Variants in NMT1 observed in about 807,000 individuals in gnomAD.
The protein encoded by NMT1 is N-myristoyltransferase 1, also known as glycylpeptide N-tetradecanoyltransferase 1.
Under a neutral mutation model 63.4 loss-of-function variants are expected in NMT1, and 12 were observed. That is an observed-to-expected ratio of 0.19 (90% confidence interval 0.12 to 0.31). NMT1 has a LOEUF of 0.31. Ranked by LOEUF, NMT1 falls within the 10% of genes least tolerant of loss-of-function variation. The probability of loss-of-function intolerance (pLI) is 1.00; values close to 1 mark genes in which losing one functional copy is unlikely to be tolerated. For synonymous variants in NMT1, 228 were observed against 234.3 expected (o/e 0.97, Z 0.25); for missense variants, 432 against 634.6 (o/e 0.68, Z 3.43).
intron 1 of NMT1, among the ~76,000 whole-genome samples, chr17:45,072,192 C>T (rs2053944534): frequency 1.3e-5 from 2 of 150,150 alleles, no homozygotes; most frequent in South Asian, 4.2e-4. Context: ...GTTGAGGCTG[C>T]AGTGAGCCAT....
intron 1 of NMT1, among the ~76,000 whole-genome samples, chr17:45,071,009 G>T (rs547418851): frequency 6.6e-6 from 1 of 152,298 alleles, no homozygotes; most frequent in Admixed American, 6.5e-5. Context: ...CTAGACAGCT[G>T]ATACTGATTC....
chr17:45,064,315 C>G (rs2053887859), intron 1 of NMT1, among the ~76,000 whole-genome samples: 1 of 152,074 alleles, frequency 6.6e-6, no homozygotes, highest in Admixed American at 6.6e-5. Flanking sequence ...TATTAGCGTC[C>G]CAAATCTAAA....
At chr17:45,071,049 T>C (rs1486510465) in intron 1 of NMT1, among the ~76,000 whole-genome samples, 2 of 152,210 alleles carry the variant, frequency 1.3e-5, no homozygotes, top group African/African-American at 4.8e-5. Context: ...TGGGCATCTT[T>C]GCCATTTCAT....
rs145153099 is a variant in NMT1 at position 45,073,642 on chromosome 17, C to A, written c.132-8002C>A. 2.3e-3 allele frequency among the ~76,000 whole-genome samples: 356 copies of A among 152,284 alleles called. 1 individual carries two copies. The highest frequency in any genetic ancestry group is 8.2e-3 in the African/African-American group (341 of 41,550). The stretch of plus-strand genomic sequence containing the variant: ...TCCTCTCAAACACCAAAGCTGTGTT[C>A]TATAGCCCAGTGTGAGGAAACAATA... On this transcript the variant is annotated intron_variant, in intron 1 of 11. Coordinates refer to ENST00000258960, the MANE Select transcript of NMT1 (RefSeq NM_021079.5).
chr17:45,063,166 C>G (rs2053878856), intron 1 of NMT1, among the ~76,000 whole-genome samples: 1 of 138,250 alleles, frequency 7.2e-6, no homozygotes, highest in African/African-American at 2.7e-5. Flanking sequence ...GATCACGCCA[C>G]TGCACTCCAG....
chr17:45,069,035 A>T (rs971692323), intron 1 of NMT1, among the ~76,000 whole-genome samples: 1 of 151,512 alleles, frequency 6.6e-6, no homozygotes, highest in Admixed American at 6.6e-5. Flanking sequence ...ATCTCGGCTC[A>T]CTGCAACCTC....
intron 4 of NMT1, among the ~76,000 whole-genome samples, chr17:45,095,351 G>A (rs1430327696): frequency 2.7e-5 from 4 of 150,134 alleles, no homozygotes; most frequent in African/African-American, 4.9e-5. Flanking sequence ...CAGGTGATCC[G>A]CCCACCTCAG....
chr17:45,064,104 G>A (rs1339437856), intron 1 of NMT1, among the ~76,000 whole-genome samples: 1 of 152,160 alleles, frequency 6.6e-6, no homozygotes, highest in Non-Finnish European at 1.5e-5. Context: ...AGAATCACTC[G>A]AACCCGGGAG....
In NMT1 at chr17:45,105,649, A is replaced by AG. The variant is rs763336808; in HGVS notation, c.*11dup. On this transcript the variant is annotated 3_prime_UTR_variant, in exon 12 of 12. Transcript: ENST00000258960. This position sits in a 1 kb window ranked among gnomAD's most constrained non-coding sequence, Gnocchi z 4.2. ...ACTGGTGCTACAATAACCAGTCACCAGTGCGATTCTGGATAAAGCCACTGA... is the reference window on the plus strand; with the variant it reads ...ACTGGTGCTACAATAACCAGTCACCAGGTGCGATTCTGGATAAAGCCACTGA... 1.6e-5 allele frequency: 26 copies of AG among 1,612,578 alleles called. No homozygotes were observed. The East Asian group carries it at 2.0e-4, about 13-fold the overall frequency.
At chr17:45,083,298 G>A (rs186499969) in intron 2 of NMT1, among the ~76,000 whole-genome samples, 24 of 147,596 alleles carry the variant, frequency 1.6e-4, no homozygotes, top group South Asian at 2.1e-4. Context: ...CAGCCTGGGC[G>A]AAAGGGTGAG....
rs1304798144 is a variant in NMT1 at position 45,079,104 on chromosome 17, CT to C, written c.132-2527del. ...TCTTTTTTTCTTTTCTTTTCTTTTT[CT>C]TTTTTTTTTTTTCCCCAAGATGGAG... On this transcript the variant is annotated intron_variant, in intron 1 of 11. Transcript: ENST00000258960. Among the ~76,000 whole-genome samples the C allele has an allele frequency of 4.1e-3, 582 of 142,380 alleles. 3 individuals carry two copies. The highest frequency in any genetic ancestry group is 0.01 in the African/African-American group (404 of 39,520). The allele number at this position is 142,380 out of a possible 152,430, so 93.4% of individuals were successfully genotyped here. A position where few individuals can be genotyped will look rare whatever the true frequency, so the allele number is the denominator to read the frequency against.
In NMT1 at chr17:45,096,178, G is replaced by T; in HGVS notation, c.505-16G>T. 1 of 1,597,336 alleles carries T rather than the reference G, an allele frequency of 6.3e-7. No homozygotes were observed. The highest frequency in any genetic ancestry group is 1.1e-5 in the South Asian group (1 of 90,752). The stretch of plus-strand genomic sequence containing the variant: ...CTGGCAGAATACCTCCAAGTGAGCT[G>T]CTTATTTCTTTACAGCTAAAAGAAC... On this transcript the variant is annotated splice_polypyrimidine_tract_variant and intron_variant, in intron 4 of 11. Transcript: ENST00000258960.
At chr17:45,069,854 G>C (rs1315898175) in intron 1 of NMT1, among the ~76,000 whole-genome samples, 1 of 149,420 alleles carries the variant, frequency 6.7e-6, no homozygotes, top group Non-Finnish European at 1.5e-5. Context: ...CTGCACTCCA[G>C]CCTGGCAACA....
intron 1 of NMT1, among the ~76,000 whole-genome samples, chr17:45,069,715 G>T (rs1340518403): frequency 2.0e-5 from 3 of 152,068 alleles, no homozygotes; most frequent in African/African-American, 7.2e-5. Flanking sequence ...TCTGCATCTT[G>T]AGTCTGCAGC....
intron 2 of NMT1, among the ~76,000 whole-genome samples, chr17:45,085,279 T>C (rs377619138): frequency 5.9e-5 from 9 of 151,936 alleles, no homozygotes; most frequent in African/African-American, 2.2e-4. Flanking sequence ...CACTGCAACA[T>C]TGTTGTATTA....
chr17:45,070,181 C>T (rs1342709894), intron 1 of NMT1, among the ~76,000 whole-genome samples: 2 of 152,152 alleles, frequency 1.3e-5, no homozygotes, highest in Admixed American at 1.3e-4. Flanking sequence ...CCGAGGGTGG[C>T]AGCAAAAGTG....
At chr17:45,086,058 G>A (rs1214387546) in intron 2 of NMT1, among the ~76,000 whole-genome samples, 1 of 151,124 alleles carries the variant, frequency 6.6e-6, no homozygotes, top group Non-Finnish European at 1.5e-5. Context: ...CTGAGCTCAG[G>A]CAATCCACCT....
chr17:45,097,119 C>CT lies in NMT1; in HGVS notation c.597-5dup, dbSNP rs761537223. 8.2e-4 allele frequency: 1,323 copies of CT among 1,612,908 alleles called. 7 individuals are homozygous for CT. The highest frequency in any genetic ancestry group is 4.5e-3 in the Middle Eastern group (27 of 6,062). On this transcript the variant is annotated splice_polypyrimidine_tract_variant and intron_variant, in intron 5 of 11. Transcript: ENST00000258960. ...AAGCAGCACAACCACCCCAGCCTCTCTTTTCCAGGGCTCTCCGGCCACCCG... is the reference window on the plus strand; with the variant it reads ...AAGCAGCACAACCACCCCAGCCTCTCTTTTTCCAGGGCTCTCCGGCCACCCG...
chr17:45,063,768 C>T (rs943960123), intron 1 of NMT1, among the ~76,000 whole-genome samples: 10 of 151,462 alleles, frequency 6.6e-5, no homozygotes, highest in Admixed American at 5.9e-4. Context: ...TGGTGGCGTA[C>T]GCCTATAGTC....
Sources: allele counts gnomAD v4.1 joint callset (sites outside exome capture counted in the v4.1 genomes callset), GRCh38; gene constraint gnomAD v4.1.1; non-coding constraint Gnocchi (gnomAD v3.1); transcripts MANE v1.5; gene names NCBI Gene and HGNC (gene_info 2026-07-23, HGNC 2026-07-21).